Variants in SYT10 observed in about 807,000 individuals in gnomAD.
SYT10 encodes the protein synaptotagmin 10, also known as synaptotagmin-10.
In SYT10, 31 loss-of-function variants were observed where a neutral mutation model predicts 51.1. The observed-to-expected ratio is 0.61, with a 90% CI of 0.46 to 0.82. The LOEUF is 0.82. SYT10 is among the 40% of genes least tolerant of loss of function. The pLI is 0.00. For synonymous variants in SYT10, 233 were observed against 225.9 expected (o/e 1.03, Z -0.28); for missense variants, 603 against 634.0 (o/e 0.95, Z 0.53).
At chr12:33,387,747 GTTTT>G in intron 3 of SYT10, among the ~76,000 whole-genome samples, 1 of 122,662 alleles carries the variant, frequency 8.2e-6, no homozygotes, top group Non-Finnish European at 1.7e-5. Flanking sequence ...CTTCTAACAT[GTTTT>G]TTTTTTTTTT....
At position 33,376,586 on chromosome 12, in the gene SYT10, C is replaced by T. The variant is rs1866064161; in HGVS notation, c.*244G>A. 7.9e-6 allele frequency: 4 copies of T among 506,386 alleles called. No homozygotes were observed. Among genetic ancestry groups the T allele is most frequent in the Non-Finnish European group, 1.4e-5 (4 of 282,602 alleles). 31.4% of individuals were successfully genotyped at this position (506,386 alleles called of 1,614,324 possible). A position where few individuals can be genotyped will look rare whatever the true frequency, so the allele number is the denominator to read the frequency against. ...ACAACATAGTAAAACACTCTTTGTGCTAACAGGCATTTGATACGAAGGATA... is the reference window on the plus strand; with the variant it reads ...ACAACATAGTAAAACACTCTTTGTGTTAACAGGCATTTGATACGAAGGATA... On this transcript the variant is annotated 3_prime_UTR_variant, in exon 7 of 7. Transcript: ENST00000228567.
chr12:33,382,655 ATT>A (rs945296603), intron 4 of SYT10, 135 bp from the exon 5 acceptor site: 85 of 739,018 alleles, frequency 1.2e-4, no homozygotes, highest in Non-Finnish European at 1.5e-4. Flanking sequence ...CCAATTTTAA[ATT>A]TGTCTCCAAA....
At chr12:33,433,535 C>T (rs1214927133) in intron 1 of SYT10, among the ~76,000 whole-genome samples, 1 of 152,122 alleles carries the variant, frequency 6.6e-6, no homozygotes, top group Non-Finnish European at 1.5e-5. Flanking sequence ...CGTTCAAAGT[C>T]GTGCATTTCA....
intron 1 of SYT10, among the ~76,000 whole-genome samples, chr12:33,427,494 C>T (rs1401508696): frequency 1.3e-5 from 2 of 152,046 alleles, no homozygotes; most frequent in Non-Finnish European, 2.9e-5. Flanking sequence ...ATCATAATTA[C>T]AGTGTTGTAG....
At chr12:33,394,848 G>T (rs1866240284) in intron 3 of SYT10, among the ~76,000 whole-genome samples, 1 of 152,172 alleles carries the variant, frequency 6.6e-6, no homozygotes, top group African/African-American at 2.4e-5. Flanking sequence ...CAGCACTTTG[G>T]GAGCCAAGGC....
At position 33,426,343 on chromosome 12, in the gene SYT10, T is replaced by G. The variant is rs372525101; in HGVS notation, c.304A>C (p.Ser102Arg). The change falls in exon 2 of 7, where the codon AGT (serine) becomes CGT (arginine). Residue 102 changes from serine (S) to arginine (R), a missense_variant. Coordinates refer to ENST00000228567, the MANE Select transcript of SYT10 (RefSeq NM_198992.4). ...NITTLPQSIS[S>R]APTEVFETEE... ...GTCTCAAAAACTTCAGTAGGAGCAC[T>G]TGAAATGCTCTGTGGAAGCGTAGTG... The G allele has an allele frequency of 1.8e-5, 29 of 1,614,028 alleles. No homozygotes were observed. The highest frequency in any genetic ancestry group is 2.4e-5 in the Non-Finnish European group (28 of 1,180,024).
intron 3 of SYT10, among the ~76,000 whole-genome samples, chr12:33,387,035 C>T (rs757594487): frequency 2.0e-4 from 30 of 152,082 alleles, no homozygotes; most frequent in South Asian, 4.1e-4. Flanking sequence ...TCAGTGAAGC[C>T]ATGCCTGGTA....
chr12:33,395,674 T>C (rs1160975305), intron 3 of SYT10, among the ~76,000 whole-genome samples: 1 of 152,200 alleles, frequency 6.6e-6, no homozygotes, highest in Non-Finnish European at 1.5e-5. Context: ...AAGAGAAGCA[T>C]TGCTTAGTTC....
intron 3 of SYT10, among the ~76,000 whole-genome samples, chr12:33,388,025 T>G (rs960610513): frequency 6.6e-6 from 1 of 151,730 alleles, no homozygotes; most frequent in Non-Finnish European, 1.5e-5. Flanking sequence ...TACAGGCGGG[T>G]CCAATCTCAC....
Position 33,382,438 on chromosome 12 carries a change from G to A in SYT10, c.1281C>T (p.Asn427=), listed in dbSNP as rs796651369. Residue 427 remains asparagine, a synonymous_variant, in exon 5 of 7, where the codon AAC becomes AAT. Transcript: ENST00000228567. Reference sequence around the variant, plus strand: ...AAATAATGGCCTCATTGTACACAGGGTTTAGAGTGTTTTTCTTTGTAGTTG... The same window carrying A: ...AAATAATGGCCTCATTGTACACAGGATTTAGAGTGTTTTTCTTTGTAGTTG... ...RKTTTKKNTL[N]PVYNEAIIFD... The A allele has an allele frequency of 6.2e-7, 1 of 1,613,358 alleles. No homozygotes were observed. Among genetic ancestry groups the A allele is most frequent in the Middle Eastern group, 1.7e-4 (1 of 6,054 alleles).
At chr12:33,413,782 G>A (rs1260943618) in intron 2 of SYT10, among the ~76,000 whole-genome samples, 2 of 152,094 alleles carry the variant, frequency 1.3e-5, no homozygotes, top group African/African-American at 2.4e-5. Flanking sequence ...CAACTAACGA[G>A]CAAAATAACC....
chr12:33,380,439 C>A (rs10732554), intron 5 of SYT10, among the ~76,000 whole-genome samples: 1 of 152,044 alleles, frequency 6.6e-6, no homozygotes, highest in Non-Finnish European at 1.5e-5. Context: ...TTACCACTTG[C>A]ATTACAATTA....
At position 33,403,231 on chromosome 12, in the gene SYT10, G is replaced by A. The variant is rs558555400; in HGVS notation, c.1077+3558C>T. On this transcript the variant is annotated intron_variant, in intron 3 of 6. Coordinates refer to ENST00000228567, the MANE Select transcript of SYT10 (RefSeq NM_198992.4). ...GTCATTATTGTCTCTTAATCTGATA[G>A]TCTTTTTTTTTTTTTTTTTGAGACA... Among the ~76,000 whole-genome samples, 322 of 122,316 alleles carry A rather than the reference G, an allele frequency of 2.6e-3. 1 individual carries two copies. The highest frequency in any genetic ancestry group is 0.025 in the Middle Eastern group (6 of 236). 80.2% of individuals were successfully genotyped at this position (122,316 alleles called of 152,430 possible). A position where few individuals can be genotyped will look rare whatever the true frequency, so the allele number is the denominator to read the frequency against.
At chr12:33,413,839 A>G (rs892822337) in intron 2 of SYT10, among the ~76,000 whole-genome samples, 6 of 152,202 alleles carry the variant, frequency 3.9e-5, no homozygotes, top group African/African-American at 7.2e-5. Flanking sequence ...AACAATATTA[A>G]TCTTAAATGT....
At chr12:33,381,167 T>C (rs1270458143) in intron 5 of SYT10, among the ~76,000 whole-genome samples, 1 of 152,198 alleles carries the variant, frequency 6.6e-6, no homozygotes, top group African/African-American at 2.4e-5. Flanking sequence ...TTTTTTAGTT[T>C]GAAATTTCAA....
intron 3 of SYT10, among the ~76,000 whole-genome samples, chr12:33,404,349 C>T (rs1295191908): frequency 1.3e-5 from 2 of 152,200 alleles, no homozygotes; most frequent in East Asian, 1.9e-4. Context: ...CAACCACATT[C>T]ATTTTATTTA....
At chr12:33,432,837 A>G (rs1866607906) in intron 1 of SYT10, 1 of 152,094 alleles carries the variant, frequency 6.6e-6, no homozygotes, top group Non-Finnish European at 1.5e-5. Context: ...TAAGGAAAAA[A>G]AGTCATTAAT....
At chr12:33,431,190 C>G (rs1866594002) in intron 1 of SYT10, among the ~76,000 whole-genome samples, 1 of 152,150 alleles carries the variant, frequency 6.6e-6, no homozygotes, top group South Asian at 2.1e-4. Context: ...TATGTCATTT[C>G]ATTTTAAAAG....
intron 1 of SYT10, among the ~76,000 whole-genome samples, chr12:33,428,835 C>T (rs890650059): frequency 2.7e-5 from 4 of 148,548 alleles, no homozygotes; most frequent in Admixed American, 1.4e-4. Context: ...GAGCCCGGGA[C>T]GTGGAGCTTG....
Sources: allele counts gnomAD v4.1 joint callset (sites outside exome capture counted in the v4.1 genomes callset), GRCh38; gene constraint gnomAD v4.1.1; transcripts MANE v1.5; gene names NCBI Gene and HGNC (gene_info 2026-07-23, HGNC 2026-07-21).